Variants in CDH13 observed in about 807,000 individuals in gnomAD.
The protein encoded by CDH13 is cadherin-13.
A neutral mutation model predicts 63.8 loss-of-function variants in CDH13; 24 were observed. The observed-to-expected ratio is 0.38, with a 90% CI of 0.27 to 0.53. CDH13 has a LOEUF of 0.53. Ranked by LOEUF, CDH13 falls within the 20% of genes least tolerant of loss-of-function variation. The probability of loss-of-function intolerance (pLI) is 0.85; values close to 1 mark genes in which losing one functional copy is unlikely to be tolerated. For missense variants in CDH13, 1,049 were observed against 903.1 expected, an observed-to-expected ratio of 1.16 and a Z score of -2.07; for synonymous variants, 503 against 355.3, an observed-to-expected ratio of 1.42 and a Z score of -4.67.
chr16:82,951,370 C>G (rs548257559), intron 2 of CDH13, among the ~76,000 whole-genome samples: 12 of 152,252 alleles, frequency 7.9e-5, no homozygotes, highest in Admixed American at 1.3e-4. Flanking sequence ...GTGTTCTGTC[C>G]TGAGCTGGAG....
intron 8 of CDH13, among the ~76,000 whole-genome samples, chr16:83,606,894 A>G (rs1450318165): frequency 1.3e-5 from 2 of 152,086 alleles, no homozygotes; most frequent in African/African-American, 4.8e-5. Context: ...AACAGGAAGT[A>G]AGAAGCAGGG....
In CDH13 at chr16:83,080,871, G is replaced by GTTTTTTTTTTTTTTTTTTTTTTTTTTT. The variant is rs71148809; in HGVS notation, c.367-44513_367-44487dup. Among the ~76,000 whole-genome samples, 22 of 46,958 alleles carry GTTTTTTTTTTTTTTTTTTTTTTTTTTT rather than the reference G, an allele frequency of 4.7e-4. 5 individuals carry two copies. The highest frequency in any genetic ancestry group is 3.8e-3 in the East Asian group (4 of 1,054). The allele number at this position is 46,958 out of a possible 152,430, so 30.8% of individuals were successfully genotyped here. On this transcript the variant is annotated intron_variant, in intron 3 of 13. Transcript: ENST00000567109. ...AGATAGAGTTTTGTTTTGTTTTTGT[G>GTTTTTTTTTTTTTTTTTTTTTTTTTTT]TTTTTTTTTTTTTTTTTTTTTTTTT...
At chr16:83,315,859 C>G (rs190999863) in intron 5 of CDH13, among the ~76,000 whole-genome samples, 1 of 152,070 alleles carries the variant, frequency 6.6e-6, no homozygotes, top group Non-Finnish European at 1.5e-5. Context: ...AGGAACTATG[C>G]TAGGTTCTAG....
intron 2 of CDH13, among the ~76,000 whole-genome samples, chr16:82,991,146 G>T (rs907674494): frequency 3.9e-5 from 6 of 152,154 alleles, no homozygotes; most frequent in Non-Finnish European, 7.3e-5. Flanking sequence ...CCAAGCAACA[G>T]TGACAACTTA....
chr16:83,047,652 G>A lies in CDH13; in HGVS notation c.366+15434G>A, dbSNP rs745996347. 5.9e-5 allele frequency among the ~76,000 whole-genome samples: 9 copies of A among 152,146 alleles called. No homozygotes were observed. Among genetic ancestry groups the A allele is most frequent in the African/African-American group, 9.7e-5 (4 of 41,432 alleles). ...TGGCAGAGATTTGACTGACTTGTTCGTTGCTATAAATCTAGCACTTACAAT... is the reference window on the plus strand; with the variant it reads ...TGGCAGAGATTTGACTGACTTGTTCATTGCTATAAATCTAGCACTTACAAT... On this transcript the variant is annotated intron_variant, in intron 3 of 13. Coordinates refer to ENST00000567109, the MANE Select transcript of CDH13 (RefSeq NM_001257.5). This position sits in a 1 kb window ranked among gnomAD's most constrained non-coding sequence, Gnocchi z 4.9.
intron 8 of CDH13, among the ~76,000 whole-genome samples, chr16:83,649,396 G>A (rs11866478): frequency 1 from 152,028 of 152,332 alleles, 75,862 homozygotes; most frequent in Middle Eastern, 1. Context: ...TAATCACACA[G>A]TGGGAGGTGA....
At chr16:83,016,381 A>G (rs537564440) in intron 2 of CDH13, among the ~76,000 whole-genome samples, 97 of 152,230 alleles carry the variant, frequency 6.4e-4, no homozygotes, top group Non-Finnish European at 9.4e-4. Context: ...GGTTACAACC[A>G]AAAGGAGTCT....
chr16:83,027,068 G>A (rs2151464854), intron 2 of CDH13, among the ~76,000 whole-genome samples: 1 of 150,246 alleles, frequency 6.7e-6, no homozygotes, highest in South Asian at 2.1e-4. Context: ...TCACAGCCTT[G>A]TCGGCAGCCT....
chr16:83,015,749 C>G (rs1053798957), intron 2 of CDH13, among the ~76,000 whole-genome samples: 2 of 126,184 alleles, frequency 1.6e-5, no homozygotes, highest in East Asian at 2.6e-4. Context: ...CAATAAATCT[C>G]AGGAACCTTA....
intron 5 of CDH13, among the ~76,000 whole-genome samples, chr16:83,221,584 G>C (rs2039700686): frequency 6.6e-6 from 1 of 151,490 alleles, no homozygotes; most frequent in African/African-American, 2.4e-5. Flanking sequence ...TGATCTACTG[G>C]CTGCAAATTT....
rs141239957 is a variant in CDH13, at chr16:82,890,001, T to C, written c.157+31528T>C. ...GGTACTGTCTCCCAGTACTTTGTTT[T>C]TGAAGATTTGTGACTACATGGTTTC... On this transcript the variant is annotated intron_variant, in intron 2 of 13. Coordinates refer to ENST00000567109, the MANE Select transcript of CDH13 (RefSeq NM_001257.5). Among the ~76,000 whole-genome samples, 439 of 152,364 alleles carry C rather than the reference T, an allele frequency of 2.9e-3. 3 individuals are homozygous for C. The highest frequency in any genetic ancestry group is 0.01 in the African/African-American group (425 of 41,580).
chr16:83,384,916 T>C (rs2091642778), intron 6 of CDH13, among the ~76,000 whole-genome samples: 1 of 152,244 alleles, frequency 6.6e-6, no homozygotes, highest in African/African-American at 2.4e-5. Flanking sequence ...GAAAGTATTT[T>C]GTACATAGTA....
At chr16:82,663,823 A>G (rs1597255568) in intron 1 of CDH13, among the ~76,000 whole-genome samples, 1 of 152,216 alleles carries the variant, frequency 6.6e-6, no homozygotes, top group East Asian at 1.9e-4. Context: ...CTCTTCTAGG[A>G]GATTTACCTC....
chr16:82,714,612 C>A (rs551159181), intron 1 of CDH13, among the ~76,000 whole-genome samples: 1 of 146,672 alleles, frequency 6.8e-6, no homozygotes, highest in Non-Finnish European at 1.5e-5. Context: ...TACTCAGGAG[C>A]CTGAGGCAGG....
intron 10 of CDH13, among the ~76,000 whole-genome samples, chr16:83,691,071 CGTGTGTGTGT>C (rs58023339): frequency 0.14 from 19,823 of 140,884 alleles, 1,420 homozygotes; most frequent in Admixed American, 0.16. Flanking sequence ...CCAACTGTGC[CGTGTGTGTGT>C]GTGTGTGTGT....
At chr16:83,479,734 C>G (rs1491001502) in intron 6 of CDH13, among the ~76,000 whole-genome samples, 2 of 152,058 alleles carry the variant, frequency 1.3e-5, no homozygotes. Flanking sequence ...TGTGCATTCT[C>G]AAAGGGGGTA....
chr16:83,129,420 G>A (rs1295657515), intron 4 of CDH13, among the ~76,000 whole-genome samples: 2 of 152,182 alleles, frequency 1.3e-5, no homozygotes, highest in African/African-American at 4.8e-5. Flanking sequence ...CAGAGGTGGA[G>A]GAAATATTTG....
intron 4 of CDH13, among the ~76,000 whole-genome samples, chr16:83,177,004 G>A (rs1401406203): frequency 2.0e-5 from 3 of 152,124 alleles, no homozygotes; most frequent in Non-Finnish European, 4.4e-5. Flanking sequence ...GCCATCCACT[G>A]GAGCTTGCTG....
At chr16:83,457,245 A>T (rs551812142) in intron 6 of CDH13, among the ~76,000 whole-genome samples, 13 of 152,290 alleles carry the variant, frequency 8.5e-5, no homozygotes, top group Non-Finnish European at 1.3e-4. Flanking sequence ...CCAAGAATAC[A>T]CATGAAACAC....
Sources: gnomAD v4.1 joint callset for allele counts (sites outside exome capture counted in the v4.1 genomes callset) on GRCh38, gnomAD v4.1.1 for gene constraint, Gnocchi (gnomAD v3.1) non-coding constraint, MANE v1.5 for transcripts, NCBI Gene and HGNC (gene_info 2026-07-23, HGNC 2026-07-21) for gene names.